RBPJ: variants seen among roughly 807,000 people sequenced by gnomAD.
RBPJ encodes the protein recombination signal binding protein for immunoglobulin kappa J region.
Under a neutral mutation model 67.8 loss-of-function variants are expected in RBPJ, and 9 were observed. That is an observed-to-expected ratio of 0.13 (90% CI 0.08 to 0.23). The LOEUF (loss-of-function observed/expected upper bound fraction) is 0.23, where lower values mean the gene tolerates loss of function less well. Among genes scored for constraint, RBPJ ranks in the 10% least tolerant of loss-of-function variants. The pLI is 1.00. For missense variants in RBPJ, 305 were observed against 595.6 expected, an observed-to-expected ratio of 0.51 and a Z score of 5.08; for synonymous variants, 198 against 203.3, an observed-to-expected ratio of 0.97 and a Z score of 0.22.
the RBPJ span, among the ~76,000 whole-genome samples, chr4:26,115,529 C>T: frequency 1.3e-5 from 2 of 152,234 alleles, no homozygotes; most frequent in Admixed American, 6.5e-5. Flanking sequence ...GGACTACAGG[C>T]GCGTGTCACC....
At chr4:26,367,969 A>ATT (rs1198384924) in intron 1 of RBPJ, 1 of 152,232 alleles carries the variant, frequency 6.6e-6, no homozygotes, top group Non-Finnish European at 1.5e-5. Context: ...AAATGGAAGA[A>ATT]TTATTTGCCA....
intron 1 of RBPJ, among the ~76,000 whole-genome samples, chr4:26,338,058 G>A (rs553443138): frequency 3.6e-5 from 5 of 139,608 alleles, no homozygotes; most frequent in Admixed American, 2.8e-4. Context: ...AGGTAGGCAG[G>A]TTTGTAGTTT....
chr4:26,162,397 G>C (rs564452575), upstream of RBPJ, among the ~76,000 whole-genome samples: 2 of 152,356 alleles, frequency 1.3e-5, no homozygotes, highest in Admixed American at 1.3e-4. Flanking sequence ...TGTTACTTAA[G>C]AGAAGCTAGA....
At chr4:26,204,396 T>A (rs764508928) in intron 1 of RBPJ, among the ~76,000 whole-genome samples, 2 of 151,180 alleles carry the variant, frequency 1.3e-5, no homozygotes, top group Non-Finnish European at 3.0e-5. Flanking sequence ...GTCTGCTCAG[T>A]AAAGGCTGTC....
intron 1 of RBPJ, among the ~76,000 whole-genome samples, chr4:26,183,796 A>G (rs757032646): frequency 6.6e-5 from 10 of 152,100 alleles, no homozygotes; most frequent in Non-Finnish European, 1.2e-4. Context: ...GATCACTTGA[A>G]GGTCAGGAGT....
chr4:26,319,475 C>T (rs1722803889), upstream of RBPJ, among the ~76,000 whole-genome samples: 1 of 151,180 alleles, frequency 6.6e-6, no homozygotes, highest in African/African-American at 2.4e-5. Flanking sequence ...CTTCCCACCC[C>T]GCCCGCGCCC....
At chr4:26,376,953 A>G (rs1339306681) in intron 1 of RBPJ, among the ~76,000 whole-genome samples, 1 of 152,154 alleles carries the variant, frequency 6.6e-6, no homozygotes, top group East Asian at 1.9e-4. Context: ...AGAAATGTCT[A>G]TTCCTTTGCT....
chr4:26,142,637 C>T, the RBPJ span, among the ~76,000 whole-genome samples: 1 of 152,202 alleles, frequency 6.6e-6, no homozygotes, highest in Non-Finnish European at 1.5e-5. Flanking sequence ...TCAGATGTCA[C>T]CTAAGTTAAG....
chr4:26,385,827 G>A (rs539894544), intron 1 of RBPJ, among the ~76,000 whole-genome samples: 43 of 149,574 alleles, frequency 2.9e-4, no homozygotes, highest in African/African-American at 1.0e-3. Flanking sequence ...TTTTGAGACA[G>A]AGTCTTGCTG....
chr4:26,273,989 A>G (rs1391207858), intron 1 of RBPJ, among the ~76,000 whole-genome samples: 1 of 152,144 alleles, frequency 6.6e-6, no homozygotes, highest in Non-Finnish European at 1.5e-5. Flanking sequence ...CCTGCTGCCT[A>G]TGGGTCTTTG....
intron 1 of RBPJ, among the ~76,000 whole-genome samples, chr4:26,185,078 G>T (rs963138929): frequency 6.6e-6 from 1 of 151,762 alleles, no homozygotes; most frequent in Non-Finnish European, 1.5e-5. Context: ...GAAGGCAGAG[G>T]TTAGAGTGAG....
chr4:26,282,043 G>T (rs1467515788), intron 1 of RBPJ, among the ~76,000 whole-genome samples: 5 of 151,430 alleles, frequency 3.3e-5, no homozygotes, highest in Non-Finnish European at 7.4e-5. Context: ...GTGTATTTGT[G>T]TATGTATGTG....
intron 2 of RBPJ, among the ~76,000 whole-genome samples, chr4:26,399,026 T>C (rs1732475496): frequency 6.6e-6 from 1 of 152,230 alleles, no homozygotes; most frequent in Non-Finnish European, 1.5e-5. Flanking sequence ...TTTTTTGTTT[T>C]AACAAACTTA....
intron 1 of RBPJ, among the ~76,000 whole-genome samples, chr4:26,385,002 C>T (rs1730750127): frequency 1.9e-5 from 2 of 107,114 alleles, no homozygotes; most frequent in Admixed American, 1.0e-4. Context: ...CCCTCTCCTC[C>T]CCTCCCCCCT....
the RBPJ span, among the ~76,000 whole-genome samples, chr4:26,135,220 C>T: frequency 1.3e-5 from 2 of 152,148 alleles, no homozygotes; most frequent in Non-Finnish European, 2.9e-5. Context: ...CTAAAGAAAA[C>T]TGCACCTTCT....
chr4:26,375,417 C>T (rs1430455291), intron 1 of RBPJ, among the ~76,000 whole-genome samples: 1 of 151,894 alleles, frequency 6.6e-6, no homozygotes, highest in Non-Finnish European at 1.5e-5. Context: ...GACAGTGTTT[C>T]TTATTTGCTG....
chr4:26,286,060 C>CCACTGCAGTG (rs1283037383), intron 1 of RBPJ, among the ~76,000 whole-genome samples: 27 of 152,310 alleles, frequency 1.8e-4, no homozygotes, highest in Middle Eastern at 3.4e-3. Context: ...TATGATCGTG[C>CCACTGCAGTG]CGCTGCACTC....
chr4:26,229,484 G>A (rs2109202375), intron 1 of RBPJ, among the ~76,000 whole-genome samples: 1 of 152,210 alleles, frequency 6.6e-6, no homozygotes, highest in Admixed American at 6.5e-5. Flanking sequence ...TTCATGAAAG[G>A]CCATACCGTC....
At chr4:26,121,557 T>G in the RBPJ span, among the ~76,000 whole-genome samples, 1 of 152,096 alleles carries the variant, frequency 6.6e-6, no homozygotes, top group Non-Finnish European at 1.5e-5. Flanking sequence ...CCACCCTTTG[T>G]CCACTGCTTC....
Sources: allele counts gnomAD v4.1 joint callset (sites outside exome capture counted in the v4.1 genomes callset), GRCh38; gene constraint gnomAD v4.1.1; transcripts MANE v1.5; gene names NCBI Gene and HGNC (gene_info 2026-07-23, HGNC 2026-07-21).